The following GNAQ variants were observed in gnomAD, a reference collection of about 807,000 sequenced individuals.
GNAQ encodes guanine nucleotide-binding protein G(q) subunit alpha.
In GNAQ, 8 loss-of-function variants were observed where a neutral mutation model predicts 43.9. The observed-to-expected ratio is 0.18, with a 90% CI of 0.11 to 0.33. The LOEUF (loss-of-function observed/expected upper bound fraction) is 0.33, where lower values mean the gene tolerates loss of function less well. Among genes scored for constraint, GNAQ ranks in the 10% least tolerant of loss-of-function variants. The pLI is 1.00. For synonymous variants in GNAQ, 155 were observed against 170.7 expected, an observed-to-expected ratio of 0.91 and a Z score of 0.71; for missense variants, 158 against 450.8, an observed-to-expected ratio of 0.35 and a Z score of 5.88.
intron 5 of GNAQ, among the ~76,000 whole-genome samples, chr9:77,779,462 G>T (rs1219708723): frequency 1.3e-5 from 2 of 151,488 alleles, no homozygotes; most frequent in Non-Finnish European, 3.0e-5. Context: ...AAAGAAGAAA[G>T]ATCTAAAATC....
chr9:77,839,420 GA>G (rs1827446468), intron 2 of GNAQ, among the ~76,000 whole-genome samples: 3 of 152,290 alleles, frequency 2.0e-5, no homozygotes, highest in South Asian at 2.1e-4. Flanking sequence ...CTGGTACCAG[GA>G]ATCCAAAGTC....
intron 1 of GNAQ, among the ~76,000 whole-genome samples, chr9:78,008,191 G>C (rs1336697879): frequency 3.3e-5 from 5 of 152,224 alleles, no homozygotes; most frequent in Admixed American, 3.3e-4. Flanking sequence ...CTACACAGGT[G>C]GGGGAAAGAT....
chr9:77,966,476 C>A (rs1473415988), intron 1 of GNAQ, among the ~76,000 whole-genome samples: 1 of 151,984 alleles, frequency 6.6e-6, no homozygotes, highest in African/African-American at 2.4e-5. Flanking sequence ...AGTTGAAAAC[C>A]ACACTTTAAA....
chr9:77,932,896 G>C (rs1433690194), intron 1 of GNAQ, among the ~76,000 whole-genome samples: 1 of 152,144 alleles, frequency 6.6e-6, no homozygotes, highest in Non-Finnish European at 1.5e-5. Flanking sequence ...AAAAAAGTCT[G>C]TGTGGGGCTG....
chr9:77,980,453 C>T (rs766618523), intron 1 of GNAQ, among the ~76,000 whole-genome samples: 3 of 152,122 alleles, frequency 2.0e-5, no homozygotes, highest in East Asian at 1.9e-4. Flanking sequence ...TGAAGATCTA[C>T]AATGCTAGAC....
chr9:77,833,840 A>C (rs1319135314), intron 2 of GNAQ, among the ~76,000 whole-genome samples: 3 of 152,212 alleles, frequency 2.0e-5, no homozygotes, highest in Admixed American at 2.0e-4. Context: ...ACACAAGAAG[A>C]AGCTGATCCA....
chr9:77,717,116 GATCT>G lies in GNAQ; in HGVS notation c.*4203_*4206del, dbSNP rs1458925045. The G allele has an allele frequency of 3.4e-5, 8 of 232,402 alleles. No individual in the cohort carries two copies. The highest frequency in any genetic ancestry group is 1.1e-4 in the Admixed American group (2 of 17,774). The allele number at this position is 232,402 out of a possible 1,614,324, so 14.4% of individuals were successfully genotyped here. A position where few individuals can be genotyped will look rare whatever the true frequency, so the allele number is the denominator to read the frequency against. On this transcript the variant is annotated 3_prime_UTR_variant, in exon 7 of 7. Transcript: ENST00000286548. ...TCCCAAAGACACAGTTACCAGGACA[GATCT>G]ATTAACGCTACATATGCTGGAAATA...
At chr9:77,970,774 G>T (rs1467999797) in intron 1 of GNAQ, among the ~76,000 whole-genome samples, 1 of 151,700 alleles carries the variant, frequency 6.6e-6, no homozygotes. Context: ...CAGAAGACAA[G>T]AAATAATTAA....
At chr9:77,855,762 T>A (rs1402024968) in intron 2 of GNAQ, among the ~76,000 whole-genome samples, 13 of 150,226 alleles carry the variant, frequency 8.7e-5, no homozygotes, top group African/African-American at 3.2e-4. Flanking sequence ...AAATGAACTC[T>A]CAAAAAAAAA....
At chr9:77,879,770 C>T (rs183128154) in intron 2 of GNAQ, among the ~76,000 whole-genome samples, 96 of 152,242 alleles carry the variant, frequency 6.3e-4, no homozygotes, top group Non-Finnish European at 1.0e-3. Flanking sequence ...GAGATTCAAC[C>T]GAAAGACTTA....
chr9:77,888,653 A>C (rs1344613915), intron 2 of GNAQ, among the ~76,000 whole-genome samples: 2 of 152,148 alleles, frequency 1.3e-5, no homozygotes, highest in African/African-American at 4.8e-5. Context: ...CTGAATCTTG[A>C]AAAATCCAGA....
chr9:78,013,090 C>A (rs558761572), intron 1 of GNAQ, among the ~76,000 whole-genome samples: 5 of 152,126 alleles, frequency 3.3e-5, no homozygotes, highest in Non-Finnish European at 5.9e-5. Flanking sequence ...AATCCGTAAT[C>A]AGGAGGAAGA....
intron 1 of GNAQ, among the ~76,000 whole-genome samples, chr9:78,025,660 G>C (rs887381820): frequency 2.6e-5 from 4 of 152,134 alleles, no homozygotes; most frequent in African/African-American, 9.7e-5. Context: ...CACCTTCTGA[G>C]GGAGAAAGCA....
At chr9:77,979,228 T>C (rs1285531155) in intron 1 of GNAQ, among the ~76,000 whole-genome samples, 2 of 151,820 alleles carry the variant, frequency 1.3e-5, no homozygotes, top group Non-Finnish European at 2.9e-5. Context: ...CGGTGGCGGA[T>C]GCCTATAATC....
chr9:77,962,147 G>T (rs756994997), intron 1 of GNAQ, among the ~76,000 whole-genome samples: 1 of 151,924 alleles, frequency 6.6e-6, no homozygotes, highest in Non-Finnish European at 1.5e-5. Context: ...GGGAAAAAAA[G>T]ACAGAAAAAA....
intron 1 of GNAQ, among the ~76,000 whole-genome samples, chr9:78,008,299 T>C (rs1248585780): frequency 6.6e-6 from 1 of 152,228 alleles, no homozygotes; most frequent in Non-Finnish European, 1.5e-5. Flanking sequence ...GGAATCATCA[T>C]ACATCTGCTG....
At chr9:78,023,366 A>T (rs1823935265) in intron 1 of GNAQ, among the ~76,000 whole-genome samples, 1 of 152,206 alleles carries the variant, frequency 6.6e-6, no homozygotes, top group South Asian at 2.1e-4. Flanking sequence ...GAAGTTCTCT[A>T]AATCGTATGC....
chr9:77,780,845 C>A (rs1826383783), intron 5 of GNAQ, among the ~76,000 whole-genome samples: 2 of 151,844 alleles, frequency 1.3e-5, no homozygotes, highest in African/African-American at 4.8e-5. Context: ...TTTTAATTTG[C>A]ATTTGCCTGA....
At chr9:77,750,444 TATA>T (rs1825795661) in intron 5 of GNAQ, among the ~76,000 whole-genome samples, 1 of 152,184 alleles carries the variant, frequency 6.6e-6, no homozygotes, top group African/African-American at 2.4e-5. Context: ...TTTGTGATAA[TATA>T]ATCCCACTAG....
Sources: gnomAD v4.1 joint callset for allele counts (sites outside exome capture counted in the v4.1 genomes callset) on GRCh38, gnomAD v4.1.1 for gene constraint, MANE v1.5 for transcripts, NCBI Gene and HGNC (gene_info 2026-07-23, HGNC 2026-07-21) for gene names.